The following DENND11 variants were observed in gnomAD, a reference collection of about 807,000 sequenced individuals.
DENND11 encodes the protein DENN domain containing 11.
A neutral mutation model predicts 49.2 loss-of-function variants in DENND11; 34 were observed. The ratio of observed to expected loss-of-function variants is 0.69; its 90% confidence interval spans 0.53 to 0.92. The LOEUF is 0.92. Ranked by LOEUF, DENND11 falls within the 40% of genes least tolerant of loss-of-function variation. The probability of loss-of-function intolerance (pLI) is 0.00; values close to 1 mark genes in which losing one functional copy is unlikely to be tolerated. For synonymous variants in DENND11, 238 were observed against 230.3 expected (o/e 1.03, Z -0.30); for missense variants, 475 against 581.6 (o/e 0.82, Z 1.88).
chr7:141,692,872 G>A (rs904183726), intron 1 of DENND11, among the ~76,000 whole-genome samples: 1 of 152,124 alleles, frequency 6.6e-6, no homozygotes, highest in Non-Finnish European at 1.5e-5. Flanking sequence ...TTTAAAATAT[G>A]TAAACCAAAA....
chr7:141,664,612 A>C (rs78396497), intron 7 of DENND11, among the ~76,000 whole-genome samples: 39 of 152,160 alleles, frequency 2.6e-4, no homozygotes, highest in African/African-American at 8.7e-4. Context: ...GGTACATCTA[A>C]AGGTCACGTG....
intron 1 of DENND11, 109 bp downstream of exon 1, chr7:141,701,777 T>G (rs1798524025): frequency 1.1e-6 from 1 of 920,362 alleles, no homozygotes; most frequent in Non-Finnish European, 1.4e-6. Context: ...TGGTGCGGGG[T>G]GCGGGGCCGG....
intron 3 of DENND11, among the ~76,000 whole-genome samples, chr7:141,683,422 C>T (rs1421701507): frequency 6.6e-6 from 1 of 152,150 alleles, no homozygotes; most frequent in East Asian, 1.9e-4. Context: ...GGGCAGATCA[C>T]GAGGTCAGGA....
intron 1 of DENND11, among the ~76,000 whole-genome samples, chr7:141,687,919 C>T (rs759168488): frequency 1.9e-4 from 29 of 152,232 alleles, no homozygotes; most frequent in Non-Finnish European, 3.7e-4. Context: ...CAGGCGTGAG[C>T]CACCGCACCC....
At chr7:141,696,426 C>G (rs1312002812) in intron 1 of DENND11, among the ~76,000 whole-genome samples, 2 of 152,148 alleles carry the variant, frequency 1.3e-5, no homozygotes, top group Non-Finnish European at 2.9e-5. Context: ...GATCTTGAAC[C>G]AAAACAATCT....
chr7:141,662,920 T>A, intron 8 of DENND11, 69 bp from the exon 9 acceptor site: 1 of 1,165,178 alleles, frequency 8.6e-7, no homozygotes, highest in Non-Finnish European at 1.2e-6. Flanking sequence ...ATAATCCACA[T>A]ATGGGGAACC....
intron 1 of DENND11, among the ~76,000 whole-genome samples, chr7:141,699,207 A>C (rs1308455249): frequency 6.6e-6 from 1 of 152,172 alleles, no homozygotes; most frequent in Non-Finnish European, 1.5e-5. Context: ...AATAGGAACA[A>C]ATAGCAGATC....
chr7:141,668,314 C>T lies in DENND11; in HGVS notation c.682-1889G>A, dbSNP rs138724360. On this transcript the variant is annotated intron_variant, in intron 4 of 8. Transcript: ENST00000536163. ...ATAAAGATGAATCTGAGGCCGGGTGCTGTGACTCATGCCTGTAATCCCAGC... is the reference window on the plus strand; with the variant it reads ...ATAAAGATGAATCTGAGGCCGGGTGTTGTGACTCATGCCTGTAATCCCAGC... Among the ~76,000 whole-genome samples, 766 of 151,856 alleles carry T rather than the reference C, an allele frequency of 5.0e-3. 11 individuals carry two copies. Among genetic ancestry groups the T allele is most frequent in the Non-Finnish European group, 7.4e-3 (500 of 67,960 alleles).
intron 4 of DENND11, among the ~76,000 whole-genome samples, chr7:141,671,898 G>A (rs140385176): frequency 6.6e-6 from 1 of 152,222 alleles, no homozygotes; most frequent in Admixed American, 6.5e-5. Context: ...ACCTGCAAAT[G>A]ACAATTCCTA....
chr7:141,677,399 A>AT (rs1798075311), intron 3 of DENND11, among the ~76,000 whole-genome samples: 9 of 96,912 alleles, frequency 9.3e-5, no homozygotes, highest in Admixed American at 5.5e-4. Context: ...TCAAAAAAAA[A>AT]AAAATATATA....
In DENND11 at chr7:141,659,334, C is replaced by T. The variant is rs1244187259; in HGVS notation, c.*3322G>A. 6.6e-6 allele frequency: 1 copy of T among 152,178 alleles called. No individual in the cohort carries two copies. Among genetic ancestry groups the T allele is most frequent in the East Asian group, 1.9e-4 (1 of 5,196 alleles). 9.4% of individuals were successfully genotyped at this position (152,178 alleles called of 1,614,324 possible). A position where few individuals can be genotyped will look rare whatever the true frequency, so the allele number is the denominator to read the frequency against. ...TCTCTACCAGGCATAGGGAATGGTT[C>T]GTGTTTAAAGGCCAAGCAAATTCTA... On this transcript the variant is annotated 3_prime_UTR_variant, in exon 9 of 9. Transcript: ENST00000536163.
chr7:141,694,677 TATA>T (rs1798384591), intron 1 of DENND11, among the ~76,000 whole-genome samples: 1 of 152,248 alleles, frequency 6.6e-6, no homozygotes, highest in Admixed American at 6.5e-5. Context: ...TCAGTTCTGC[TATA>T]ATGCTTGTTG....
Position 141,667,850 on chromosome 7 carries a change from C to G in DENND11, c.682-1425G>C, listed in dbSNP as rs757630110. 6.6e-5 allele frequency among the ~76,000 whole-genome samples: 10 copies of G among 152,158 alleles called. No individual in the cohort carries two copies. The East Asian group carries it at 1.9e-3, about 29-fold the overall frequency. ...TCCTGCACTGATACCATTCCCCTAC[C>G]CCATGCCAGGATAAAGGCGACCCTG... On this transcript the variant is annotated intron_variant, in intron 4 of 8. Transcript: ENST00000536163.
Position 141,662,650 on chromosome 7 carries a change from C to T in DENND11, c.*6G>A. On this transcript the variant is annotated 3_prime_UTR_variant, in exon 9 of 9. Coordinates refer to ENST00000536163, the MANE Select transcript of DENND11 (RefSeq NM_001080392.2). ...GTGAAGTGGCTCCCAGTCCTGTTGG[C>T]TCCTCCTACGGGCAACAGGGGTTGT... 6.4e-7 allele frequency: 1 copy of T among 1,554,670 alleles called. No individual in the cohort carries two copies. Among genetic ancestry groups the T allele is most frequent in the East Asian group, 2.3e-5 (1 of 42,794 alleles).
intron 4 of DENND11, among the ~76,000 whole-genome samples, chr7:141,670,713 A>G (rs1392470560): frequency 6.6e-6 from 1 of 152,232 alleles, no homozygotes; most frequent in Non-Finnish European, 1.5e-5. Context: ...AAAATCATAC[A>G]TTAAGTGGAC....
At chr7:141,701,062 G>C (rs371536648) in intron 1 of DENND11, among the ~76,000 whole-genome samples, 1 of 151,988 alleles carries the variant, frequency 6.6e-6, no homozygotes, top group African/African-American at 2.4e-5. Context: ...ACCCTCCAAG[G>C]CTTCCTGGGC....
intron 1 of DENND11, among the ~76,000 whole-genome samples, chr7:141,700,483 A>C (rs998042045): frequency 1.8e-4 from 28 of 152,000 alleles, no homozygotes; most frequent in Non-Finnish European, 3.5e-4. Context: ...GTCTGAAAAA[A>C]AAAAAAAAGA....
At chr7:141,686,140 A>G (rs970259841) in intron 2 of DENND11, among the ~76,000 whole-genome samples, 1 of 152,170 alleles carries the variant, frequency 6.6e-6, no homozygotes, top group African/African-American at 2.4e-5. Context: ...AGCTCTTTCC[A>G]TTGTTCCTTC....
At chr7:141,680,782 ACT>A (rs1798137287) in intron 3 of DENND11, among the ~76,000 whole-genome samples, 1 of 151,872 alleles carries the variant, frequency 6.6e-6, no homozygotes, top group African/African-American at 2.4e-5. Context: ...GAGGACAACA[ACT>A]CTAGAAAATG....
Sources: gnomAD v4.1 joint callset for allele counts (sites outside exome capture counted in the v4.1 genomes callset) on GRCh38, gnomAD v4.1.1 for gene constraint, MANE v1.5 for transcripts, NCBI Gene and HGNC (gene_info 2026-07-23, HGNC 2026-07-21) for gene names.